Variants in ZDHHC14 observed in about 807,000 individuals in gnomAD.
ZDHHC14 encodes the protein zDHHC palmitoyltransferase 14, also known as palmitoyltransferase ZDHHC14.
ZDHHC14 carries 16 observed loss-of-function variants against 47.7 expected under a neutral mutation model. The observed-to-expected ratio is 0.34, with a 90% CI of 0.23 to 0.51. ZDHHC14 has a LOEUF of 0.51. Among genes scored for constraint, ZDHHC14 ranks in the 20% least tolerant of loss-of-function variants. The pLI is 0.97. For missense variants in ZDHHC14, 515 were observed against 662.5 expected (o/e 0.78, Z 2.44); for synonymous variants, 293 against 278.9 (o/e 1.05, Z -0.50).
intron 2 of ZDHHC14, among the ~76,000 whole-genome samples, chr6:157,569,289 T>A (rs1783016260): frequency 6.6e-6 from 1 of 152,086 alleles, no homozygotes; most frequent in East Asian, 1.9e-4. Context: ...GTCTCTGGTA[T>A]GTCTTTGAAG....
intron 2 of ZDHHC14, among the ~76,000 whole-genome samples, chr6:157,552,283 T>A (rs1782264934): frequency 6.6e-6 from 1 of 151,940 alleles, no homozygotes; most frequent in Non-Finnish European, 1.5e-5. Context: ...AGTCAGTCAG[T>A]CAGTTGGGTT....
intron 1 of ZDHHC14, among the ~76,000 whole-genome samples, chr6:157,509,933 C>A (rs1193391562): frequency 6.6e-6 from 1 of 152,336 alleles, no homozygotes; most frequent in South Asian, 2.1e-4. Context: ...GCTCTCACTT[C>A]CCTCTCCTCT....
chr6:157,516,219 T>C (rs548176426), intron 1 of ZDHHC14, among the ~76,000 whole-genome samples: 57 of 152,374 alleles, frequency 3.7e-4, no homozygotes, highest in African/African-American at 1.3e-3. Flanking sequence ...TCCATGATAT[T>C]AATATGTAAC....
intron 1 of ZDHHC14, among the ~76,000 whole-genome samples, chr6:157,438,584 A>G (rs1309440888): frequency 6.6e-6 from 1 of 152,272 alleles, no homozygotes; most frequent in Non-Finnish European, 1.5e-5. Context: ...GAGGATCACC[A>G]TAGTAACAAC....
At chr6:157,605,747 G>A (rs556075724) in intron 3 of ZDHHC14, among the ~76,000 whole-genome samples, 10 of 152,306 alleles carry the variant, frequency 6.6e-5, no homozygotes, top group East Asian at 3.9e-4. Flanking sequence ...CAGCAGGAAC[G>A]CTGTAGTATG....
At position 157,387,696 on chromosome 6, in the gene ZDHHC14, A is replaced by G. The variant is rs150436095; in HGVS notation, c.245+5430A>G. Among the ~76,000 whole-genome samples, 6 of 152,306 alleles carry G rather than the reference A, an allele frequency of 3.9e-5. No individual in the cohort carries two copies. In the East Asian group the frequency reaches 1.2e-3, roughly 29 times the overall value. ...TTGACATGAAAGCACTAACCCATTCATTTGTGTACATGATCAACACATGTC... is the reference window on the plus strand; with the variant it reads ...TTGACATGAAAGCACTAACCCATTCGTTTGTGTACATGATCAACACATGTC... On this transcript the variant is annotated intron_variant, in intron 1 of 8. Transcript: ENST00000359775.
rs868699517 is a variant in ZDHHC14, at chr6:157,677,817, T to C, written c.*4695T>C. Reference sequence around the variant, plus strand: ...GTCCAAGGAGACATGCTTTCTGGGTTCTATATGAATAGAGATGGTTTTAGC... The same window carrying C: ...GTCCAAGGAGACATGCTTTCTGGGTCCTATATGAATAGAGATGGTTTTAGC... On this transcript the variant is annotated 3_prime_UTR_variant, in exon 9 of 9. Coordinates refer to ENST00000359775, the MANE Select transcript of ZDHHC14 (RefSeq NM_024630.3). The C allele has an allele frequency of 8.5e-4, 129 of 151,412 alleles. No individual in the cohort carries two copies. Among genetic ancestry groups the C allele is most frequent in the African/African-American group, 3.1e-3 (127 of 41,054 alleles). The allele number at this position is 151,412 out of a possible 1,614,324, so 9.4% of individuals were successfully genotyped here.
At chr6:157,591,654 A>G (rs555369953) in intron 2 of ZDHHC14, among the ~76,000 whole-genome samples, 4 of 152,288 alleles carry the variant, frequency 2.6e-5, no homozygotes, top group East Asian at 1.9e-4. Context: ...TCCCACACCA[A>G]TGAAAGACTC....
chr6:157,613,276 G>A (rs2114926291), intron 3 of ZDHHC14, among the ~76,000 whole-genome samples: 1 of 152,330 alleles, frequency 6.6e-6, no homozygotes. Flanking sequence ...GGGATCCAGT[G>A]CACAGAGATG....
intron 2 of ZDHHC14, among the ~76,000 whole-genome samples, chr6:157,553,882 G>T (rs1782347886): frequency 6.6e-6 from 1 of 152,186 alleles, no homozygotes; most frequent in African/African-American, 2.4e-5. Flanking sequence ...AGAGGACAGG[G>T]AAAGCAGACG....
At chr6:157,396,609 G>T (rs971467341) in intron 1 of ZDHHC14, among the ~76,000 whole-genome samples, 4 of 152,178 alleles carry the variant, frequency 2.6e-5, no homozygotes, top group Non-Finnish European at 5.9e-5. Context: ...TTTCAGCGTG[G>T]TCCTAACACA....
chr6:157,557,575 C>T (rs552326380), intron 2 of ZDHHC14, among the ~76,000 whole-genome samples: 4 of 152,276 alleles, frequency 2.6e-5, no homozygotes, highest in East Asian at 1.9e-4. Flanking sequence ...GAAAACAAAA[C>T]GTTATTTTAG....
intron 1 of ZDHHC14, among the ~76,000 whole-genome samples, chr6:157,406,008 T>C (rs1777752168): frequency 6.6e-6 from 1 of 152,242 alleles, no homozygotes; most frequent in African/African-American, 2.4e-5. Context: ...CTAAATAGGA[T>C]AATGCCACCC....
intron 1 of ZDHHC14, among the ~76,000 whole-genome samples, chr6:157,430,312 A>T (rs1778312705): frequency 3.8e-5 from 2 of 52,516 alleles, no homozygotes; most frequent in South Asian, 5.0e-4. Flanking sequence ...AAGACTGTGT[A>T]AAAAAAAAAA....
intron 1 of ZDHHC14, among the ~76,000 whole-genome samples, chr6:157,533,852 G>A (rs542882994): frequency 6.6e-5 from 10 of 152,310 alleles, no homozygotes; most frequent in African/African-American, 2.4e-4. Flanking sequence ...GGCCAATTTA[G>A]TTCACTTGCA....
intron 7 of ZDHHC14, among the ~76,000 whole-genome samples, chr6:157,649,262 G>A (rs919069005): frequency 5.9e-5 from 9 of 152,330 alleles, no homozygotes; most frequent in African/African-American, 2.2e-4. Flanking sequence ...AGCGGTGTGG[G>A]GCAGCACTGA....
chr6:157,398,543 T>C (rs1420916955), intron 1 of ZDHHC14, among the ~76,000 whole-genome samples: 1 of 152,158 alleles, frequency 6.6e-6, no homozygotes, highest in Non-Finnish European at 1.5e-5. Context: ...TGTGGGATAG[T>C]CCTGTCTCCT....
intron 3 of ZDHHC14, among the ~76,000 whole-genome samples, chr6:157,623,314 G>A (rs1785267868): frequency 6.6e-6 from 1 of 152,096 alleles, no homozygotes; most frequent in Non-Finnish European, 1.5e-5. Flanking sequence ...GTTCTCATGA[G>A]ACCTGATGGT....
chr6:157,395,094 A>T (rs1024819586), intron 1 of ZDHHC14, among the ~76,000 whole-genome samples: 1 of 150,056 alleles, frequency 6.7e-6, no homozygotes, highest in African/African-American at 2.5e-5. Context: ...CTGACAGTTT[A>T]GACCCTCACC....
Sources: allele counts gnomAD v4.1 joint callset (sites outside exome capture counted in the v4.1 genomes callset), GRCh38; gene constraint gnomAD v4.1.1; transcripts MANE v1.5; gene names NCBI Gene and HGNC (gene_info 2026-07-23, HGNC 2026-07-21).